DLEC1: variants seen among roughly 807,000 people sequenced by gnomAD.
DLEC1 encodes the protein deleted in lung and esophageal cancer protein 1.
In DLEC1, 146 loss-of-function variants were observed where a neutral mutation model predicts 198.1. That is an observed-to-expected ratio of 0.74 (90% confidence interval 0.64 to 0.85). The LOEUF (loss-of-function observed/expected upper bound fraction) is 0.85. Among genes scored for constraint, DLEC1 ranks in the 40% least tolerant of loss-of-function variants. The pLI, the probability that DLEC1 is intolerant of heterozygous loss-of-function variation, is 0.00. For missense variants in DLEC1, 2,233 were observed against 2,220.0 expected (o/e 1.01, Z -0.12); for synonymous variants, 897 against 866.8 (o/e 1.03, Z -0.61).
At chr3:38,092,305 A>G (rs1407454060) in intron 10 of DLEC1, among the ~76,000 whole-genome samples, 1 of 152,260 alleles carries the variant, frequency 6.6e-6, no homozygotes, top group Non-Finnish European at 1.5e-5. Flanking sequence ...CAAATACTGC[A>G]TGATTGCACC....
intron 32 of DLEC1, 33 bp downstream of exon 32, chr3:38,117,644 C>T: frequency 1.2e-6 from 2 of 1,613,624 alleles, no homozygotes; most frequent in Non-Finnish European, 8.5e-7. Flanking sequence ...GCCCTGCCAG[C>T]TTACCTGGAC....
At chr3:38,110,077 G>A (rs1327589354) in intron 22 of DLEC1, 22 bp from the exon 23 acceptor site, 1 of 1,612,306 alleles carries the variant, frequency 6.2e-7, no homozygotes, top group Non-Finnish European at 8.5e-7. Context: ...TAGTACCAAT[G>A]GGCACAGGAC....
chr3:38,091,457 C>T (rs1698742418), intron 10 of DLEC1, among the ~76,000 whole-genome samples: 1 of 152,084 alleles, frequency 6.6e-6, no homozygotes, highest in Non-Finnish European at 1.5e-5. Context: ...GAGCAAGATC[C>T]TGTCTCAAAA....
chr3:38,100,521 A>G, intron 19 of DLEC1, 96 bp downstream of exon 19: 1 of 1,373,292 alleles, frequency 7.3e-7, no homozygotes, highest in African/African-American at 1.5e-5. Flanking sequence ...TTCTGGATTT[A>G]AAACTATTGA....
intron 34 of DLEC1, among the ~76,000 whole-genome samples, chr3:38,121,205 G>A (rs190161713): frequency 2.8e-4 from 42 of 152,368 alleles, no homozygotes; most frequent in African/African-American, 9.9e-4. Flanking sequence ...GCATGGCAGT[G>A]CCTGAGTGTG....
Position 38,094,890 on chromosome 3 carries a change from T to C in DLEC1, c.1931T>C (p.Leu644Pro). 1 of 1,614,018 alleles carries C rather than the reference T, an allele frequency of 6.2e-7. No individual in the cohort carries two copies. Among genetic ancestry groups the C allele is most frequent in the South Asian group, 1.1e-5 (1 of 91,074 alleles). The part of the protein sequence containing the change: ...LIIRNATHVE[L>P]AFYWQIMKPN... ...CGTTGCCCCCACAGGCACGTGGAGC[T>C]GGCCTTCTACTGGCAGATCATGAAG... is the stretch of plus-strand genomic sequence containing the variant. The change falls in exon 13 of 37, where the codon CTG (leucine) becomes CCG (proline). Residue 644 changes from leucine to proline, a missense_variant. Leu to Pro is a moderately conservative substitution (Grantham distance 98, BLOSUM62 -3). Transcript: ENST00000308059.
At chr3:38,049,270 T>G (rs1411532757) in intron 2 of DLEC1, among the ~76,000 whole-genome samples, 1 of 152,194 alleles carries the variant, frequency 6.6e-6, no homozygotes, top group Non-Finnish European at 1.5e-5. Context: ...GTAGACACAC[T>G]AATCCAGTTC....
In DLEC1 at chr3:38,122,549, C is replaced by G. The variant is rs200230021; in HGVS notation, c.*137C>G. Reference sequence around the variant, plus strand: ...GGGCAGCTCCTGGAATGGAAGAACCCCCTTCCACAATGGTCTCAGCCTAGG... The same window carrying G: ...GGGCAGCTCCTGGAATGGAAGAACCGCCTTCCACAATGGTCTCAGCCTAGG... On this transcript the variant is annotated 3_prime_UTR_variant, in exon 37 of 37. Coordinates refer to ENST00000308059, the MANE Select transcript of DLEC1 (RefSeq NM_007335.4). 2 of 1,609,432 alleles carry G rather than the reference C, an allele frequency of 1.2e-6. No homozygotes were observed. Among genetic ancestry groups the G allele is most frequent in the East Asian group, 4.5e-5 (2 of 44,778 alleles).
At chr3:38,078,053 G>A (rs953480184) in intron 6 of DLEC1, among the ~76,000 whole-genome samples, 19 of 150,776 alleles carry the variant, frequency 1.3e-4, no homozygotes, top group African/African-American at 4.1e-4. Context: ...CAGGGTGAGG[G>A]ACAGGAAAGA....
At chr3:38,052,926 A>C (rs13073387) in intron 2 of DLEC1, among the ~76,000 whole-genome samples, 48,122 of 151,872 alleles carry the variant, frequency 0.32, 7,881 homozygotes, top group East Asian at 0.55. Flanking sequence ...AGTGCCTGAG[A>C]TTGCAGGGGC....
At chr3:38,097,148 G>A (rs1313193710) in intron 15 of DLEC1, 34 bp from the exon 16 acceptor site, 3 of 1,541,222 alleles carry the variant, frequency 1.9e-6, no homozygotes, top group African/African-American at 1.4e-5. Flanking sequence ...TGAAGGGGCA[G>A]TAAATGGGCA....
At chr3:38,063,996 CT>C (rs375420632) in intron 6 of DLEC1, 77 bp downstream of exon 6, 34,897 of 560,906 alleles carry the variant, frequency 0.062, 573 homozygotes, top group Middle Eastern at 0.18. Flanking sequence ...TGGAAATTTT[CT>C]TTTTTTTTTC....
intron 26 of DLEC1, 34 bp from the exon 27 acceptor site, chr3:38,114,947 CTG>C: frequency 6.3e-7 from 1 of 1,597,556 alleles, no homozygotes; most frequent in East Asian, 2.2e-5. Context: ...TGTACGCTGG[CTG>C]TGGCTGTACT....
chr3:38,075,607 G>C (rs1180773961), intron 6 of DLEC1, among the ~76,000 whole-genome samples: 1 of 152,052 alleles, frequency 6.6e-6, no homozygotes, highest in Non-Finnish European at 1.5e-5. Flanking sequence ...AGTGGGAAAG[G>C]GGTCGGGGCG....
At chr3:38,118,214 T>G (rs932826418) in intron 33 of DLEC1, among the ~76,000 whole-genome samples, 190 bp downstream of exon 33, 11 of 152,110 alleles carry the variant, frequency 7.2e-5, no homozygotes, top group Non-Finnish European at 1.3e-4. Context: ...TCTGCACAAG[T>G]GGCTCACATG....
At chr3:38,081,881 C>T (rs1417098758) in intron 6 of DLEC1, among the ~76,000 whole-genome samples, 30 of 142,680 alleles carry the variant, frequency 2.1e-4, no homozygotes, top group South Asian at 9.1e-4. Flanking sequence ...GGCGGCTGGC[C>T]GGGCGGGGGG....
At chr3:38,116,351 G>A in intron 27 of DLEC1, 102 bp from the exon 28 acceptor site, 1 of 1,140,540 alleles carries the variant, frequency 8.8e-7, no homozygotes, top group Non-Finnish European at 1.3e-6. Context: ...CCTGGGTATG[G>A]GAGAATAGGT....
At chr3:38,107,774 C>T (rs777112432) in intron 20 of DLEC1, 37 bp downstream of exon 20, 1 of 1,603,376 alleles carries the variant, frequency 6.2e-7, no homozygotes, top group Non-Finnish European at 8.5e-7. Context: ...CAGTCTGCAG[C>T]CCTCAGCCAC....
chr3:38,055,670 G>C (rs1190990438), intron 2 of DLEC1, among the ~76,000 whole-genome samples: 1 of 152,090 alleles, frequency 6.6e-6, no homozygotes, highest in Non-Finnish European at 1.5e-5. Flanking sequence ...GTGTGATTCT[G>C]AGATAGGCAG....
Sources: allele counts gnomAD v4.1 joint callset (sites outside exome capture counted in the v4.1 genomes callset), GRCh38; gene constraint gnomAD v4.1.1; transcripts MANE v1.5; gene names NCBI Gene and HGNC (gene_info 2026-07-23, HGNC 2026-07-21).